Variants in MTA1 observed in about 807,000 individuals in gnomAD.
The protein encoded by MTA1 is metastasis associated 1.
In MTA1, 15 loss-of-function variants were observed where a neutral mutation model predicts 97.0. The observed-to-expected ratio is 0.15, with a 90% CI of 0.10 to 0.24. The LOEUF is 0.24. Among genes scored for constraint, MTA1 ranks in the 10% least tolerant of loss-of-function variants. MTA1 has a pLI of 1.00. For synonymous variants in MTA1, 435 were observed against 417.5 expected, an observed-to-expected ratio of 1.04 and a Z score of -0.51; for missense variants, 709 against 1,015.1, an observed-to-expected ratio of 0.70 and a Z score of 4.10.
chr14:105,446,289 T>G (rs587642348), intron 3 of MTA1, among the ~76,000 whole-genome samples: 2 of 152,302 alleles, frequency 1.3e-5, no homozygotes, highest in South Asian at 4.1e-4. Flanking sequence ...GGGGCATTTT[T>G]GGCTTCCACT....
intron 2 of MTA1, among the ~76,000 whole-genome samples, chr14:105,440,412 G>T (rs2082471125): frequency 6.6e-6 from 1 of 152,248 alleles, no homozygotes. Flanking sequence ...CAGCCAGCTG[G>T]CAGGCAACCC....
chr14:105,463,037 G>A lies in MTA1; in HGVS notation c.943-147G>A. 1.3e-6 allele frequency: 1 copy of A among 744,874 alleles called. No homozygotes were observed. The highest frequency in any genetic ancestry group is 2.2e-5 in the Admixed American group (1 of 44,894). The allele number at this position is 744,874 out of a possible 1,614,324, so 46.1% of individuals were successfully genotyped here. Reference sequence around the variant, plus strand: ...TGCCCTCTGCACCTGCCTGCCAGCAGGGGCCTGGCCTCCGTGCACCAAGCA... The same window carrying A: ...TGCCCTCTGCACCTGCCTGCCAGCAAGGGCCTGGCCTCCGTGCACCAAGCA... On this transcript the variant is annotated intron_variant, in intron 10 of 20. Coordinates refer to ENST00000331320, the MANE Select transcript of MTA1 (RefSeq NM_004689.4). This position sits in a 1 kb window ranked among gnomAD's most constrained non-coding sequence, Gnocchi z 5.9.
Position 105,463,347 on chromosome 14 carries a change from C to G in MTA1, c.1017+89C>G. ...CCCAGCAGGTGGGCGTGCACTGCTG[C>G]AGCAGGAGGGGAAGGAAGACTCCTG... On this transcript the variant is annotated intron_variant, in intron 11 of 20. Coordinates refer to ENST00000331320, the MANE Select transcript of MTA1 (RefSeq NM_004689.4). This position sits in a 1 kb window ranked among gnomAD's most constrained non-coding sequence, Gnocchi z 5.9. 1 of 1,523,530 alleles carries G rather than the reference C, an allele frequency of 6.6e-7. No individual in the cohort carries two copies. Among genetic ancestry groups the G allele is most frequent in the Non-Finnish European group, 9.1e-7 (1 of 1,101,904 alleles). The allele number at this position is 1,523,530 out of a possible 1,614,324, so 94.4% of individuals were successfully genotyped here.
chr14:105,455,471 G>A (rs1396686443), intron 7 of MTA1, among the ~76,000 whole-genome samples: 3 of 152,236 alleles, frequency 2.0e-5, no homozygotes, highest in Non-Finnish European at 4.4e-5. Flanking sequence ...CCCTCGAGAC[G>A]CAGGGCTCTG....
intron 1 of MTA1, among the ~76,000 whole-genome samples, chr14:105,435,413 C>A (rs8018272): frequency 0.87 from 132,712 of 152,152 alleles, 60,714 homozygotes; most frequent in Non-Finnish European, 1. Flanking sequence ...AGCCCCCAAG[C>A]AGCTGGGACT....
At chr14:105,430,860 C>G (rs186826497) in intron 1 of MTA1, among the ~76,000 whole-genome samples, 2 of 152,288 alleles carry the variant, frequency 1.3e-5, no homozygotes, top group African/African-American at 4.8e-5. Flanking sequence ...CATTTCAGTG[C>G]TCAGAAATAA....
chr14:105,420,920 C>G lies in MTA1; in HGVS notation c.28+857C>G, dbSNP rs1347413980. Among the ~76,000 whole-genome samples the G allele has an allele frequency of 2.0e-5, 3 of 152,162 alleles. No individual in the cohort carries two copies. The highest frequency in any genetic ancestry group is 2.9e-5 in the Non-Finnish European group (2 of 68,000). On this transcript the variant is annotated intron_variant, in intron 1 of 20. Transcript: ENST00000331320. This position sits in a 1 kb window ranked among gnomAD's most constrained non-coding sequence, Gnocchi z 5.3. ...CTGAGACCCCTCCCTGCCTGTGACCCTCTCGGGCAGGTGCTCATTACCTTT... is the reference window on the plus strand; with the variant it reads ...CTGAGACCCCTCCCTGCCTGTGACCGTCTCGGGCAGGTGCTCATTACCTTT...
chr14:105,425,926 T>C (rs1339950703), intron 1 of MTA1, among the ~76,000 whole-genome samples: 1 of 150,786 alleles, frequency 6.6e-6, no homozygotes, highest in Non-Finnish European at 1.5e-5. Context: ...GCCTGGGCCA[T>C]GCAGCGCACC....
intron 18 of MTA1, chr14:105,468,319 C>T: frequency 1.5e-6 from 2 of 1,304,362 alleles, no homozygotes; most frequent in Non-Finnish European, 2.0e-6. Context: ...CTTCCCTCTG[C>T]TGTCCACCGC....
At chr14:105,452,181 T>C (rs587710365) in intron 6 of MTA1, among the ~76,000 whole-genome samples, 1 of 152,354 alleles carries the variant, frequency 6.6e-6, no homozygotes, top group Non-Finnish European at 1.5e-5. Context: ...ACTTAGCACC[T>C]GGCAGAAGCT....
chr14:105,449,847 C>T (rs1567024849), intron 4 of MTA1, among the ~76,000 whole-genome samples: 1 of 152,166 alleles, frequency 6.6e-6, no homozygotes, highest in Non-Finnish European at 1.5e-5. Flanking sequence ...TTAAAGGGCA[C>T]GTGGGCACCA....
At chr14:105,462,793 C>T (rs368659884) in intron 10 of MTA1, among the ~76,000 whole-genome samples, 65 of 152,208 alleles carry the variant, frequency 4.3e-4, no homozygotes, top group Non-Finnish European at 7.6e-4. Context: ...TGCTTGAACC[C>T]GGGAGGCAGA....
At chr14:105,469,300 G>T in intron 18 of MTA1, 167 bp from the exon 19 acceptor site, 1 of 714,462 alleles carries the variant, frequency 1.4e-6, no homozygotes, top group Non-Finnish European at 2.5e-6. Flanking sequence ...CCCAGGACCC[G>T]GGGATGCGAG....
intron 18 of MTA1, chr14:105,469,130 T>A: frequency 1.8e-6 from 1 of 541,812 alleles, no homozygotes; most frequent in Non-Finnish European, 3.5e-6. Context: ...ACTGACAGCC[T>A]TGCGAGGCTT....
chr14:105,466,438 GC>G lies in MTA1; in HGVS notation c.1644del (p.Lys549SerfsTer5). ...AVLRYLETHP[R>X]PPKPDPVKSV... is the part of the protein sequence containing the mutation. ...TCATTCCCGGCAGAGACCCACCCCC[GC>G]CCCCCCAAGCCTGACCCCGTGAAAA... On this transcript the variant is annotated frameshift_variant, in exon 17 of 21. Transcript: ENST00000331320. LOFTEE classifies it high-confidence loss of function. 6.1e-6 allele frequency: 6 copies of G among 988,074 alleles called. No homozygotes were observed. The highest frequency in any genetic ancestry group is 2.1e-5 in the South Asian group (1 of 47,218). The allele number at this position is 988,074 out of a possible 1,614,324, so 61.2% of individuals were successfully genotyped here. A position where few individuals can be genotyped will look rare whatever the true frequency, so the allele number is the denominator to read the frequency against.
Position 105,465,188 on chromosome 14 carries a change from G to T in MTA1, c.1624+5G>T. 6.6e-7 allele frequency: 1 copy of T among 1,513,684 alleles called. No homozygotes were observed. 93.8% of individuals were successfully genotyped at this position (1,513,684 alleles called of 1,614,324 possible). A position where few individuals can be genotyped will look rare whatever the true frequency, so the allele number is the denominator to read the frequency against. On this transcript the variant is annotated splice_donor_5th_base_variant and intron_variant, in intron 16 of 20. Transcript: ENST00000331320. The stretch of plus-strand genomic sequence containing the variant: ...AAGCCGTGCTTCGGTATCTTGGTGA[G>T]CAGCCAGGCGTGCTGGGGGGCTCCC...
chr14:105,433,353 C>G (rs587664435), intron 1 of MTA1, among the ~76,000 whole-genome samples: 1 of 152,176 alleles, frequency 6.6e-6, no homozygotes, highest in Non-Finnish European at 1.5e-5. Flanking sequence ...TCGGTCCCTC[C>G]GTCTCAGCCC....
chr14:105,425,056 G>A (rs1434056038), intron 1 of MTA1, among the ~76,000 whole-genome samples: 1 of 152,192 alleles, frequency 6.6e-6, no homozygotes, highest in East Asian at 1.9e-4. Flanking sequence ...GGATGCCAGA[G>A]GAGGTGCCGT....
chr14:105,449,768 C>G (rs139027870), intron 4 of MTA1, among the ~76,000 whole-genome samples: 2 of 152,198 alleles, frequency 1.3e-5, no homozygotes, highest in Non-Finnish European at 2.9e-5. Flanking sequence ...GGGGCTGGCC[C>G]GGACCTTGTT....
Sources: gnomAD v4.1 joint callset for allele counts (sites outside exome capture counted in the v4.1 genomes callset) on GRCh38, gnomAD v4.1.1 for gene constraint, Gnocchi (gnomAD v3.1) non-coding constraint, MANE v1.5 for transcripts, NCBI Gene and HGNC (gene_info 2026-07-23, HGNC 2026-07-21) for gene names.